Variants in GTPBP10 observed in about 807,000 individuals in gnomAD.
GTPBP10 encodes the protein GTP binding protein 10, also known as GTP-binding protein 10.
GTPBP10 carries 38 observed loss-of-function variants against 44.8 expected under a neutral mutation model. The observed-to-expected ratio is 0.85, with a 90% CI of 0.65 to 1.11. The LOEUF (loss-of-function observed/expected upper bound fraction) is 1.11. GTPBP10 is among the 50% of genes most tolerant of loss of function. The pLI is 0.00. For synonymous variants in GTPBP10, 152 were observed against 150.6 expected (o/e 1.01, Z -0.07); for missense variants, 462 against 453.7 (o/e 1.02, Z -0.17).
At chr7:90,384,799 T>G in intron 9 of GTPBP10, 93 bp from the exon 10 acceptor site, 2 of 1,292,474 alleles carry the variant, frequency 1.5e-6, no homozygotes, top group Non-Finnish European at 2.1e-6. Context: ...ATGCTGGTGT[T>G]GGTTCCCTGC....
intron 6 of GTPBP10, 146 bp from the exon 7 acceptor site, chr7:90,377,361 T>C (rs144215135): frequency 9.8e-6 from 5 of 509,334 alleles, no homozygotes. Context: ...TTAATTTTAC[T>C]CTTATACTTG....
At chr7:90,375,374 AATCCAT>A (rs1796327403) in intron 6 of GTPBP10, among the ~76,000 whole-genome samples, 1 of 152,144 alleles carries the variant, frequency 6.6e-6, no homozygotes, top group South Asian at 2.1e-4. Context: ...CATTTGTTAA[AATCCAT>A]AGAATGTACA....
Position 90,374,350 on chromosome 7 carries a change from A to G in GTPBP10, c.587A>G (p.Lys196Arg). ...GGAAAGATAATGTACAGTGATTTCA[A>G]ACAGGTAGGTATTTTTAAAGTAAAA... ...ELGKIMYSDF[K>R]QISVADLPGL... is the part of the protein sequence containing the mutation. The change falls in exon 6 of 10, where the codon AAA becomes AGA. Residue 196 changes from lysine (K) to arginine (R), a missense_variant. Physicochemically the swap from Lys to Arg is conservative, Grantham distance 26 (BLOSUM62 2). Transcript: ENST00000222511. The G allele has an allele frequency of 1.3e-6, 2 of 1,583,296 alleles. No homozygotes were observed. The highest frequency in any genetic ancestry group is 2.2e-5 in the South Asian group (2 of 90,152).
At position 90,386,906 on chromosome 7, in the gene GTPBP10, A is replaced by G. The variant is rs566452982; in HGVS notation, c.*1752A>G. 6 of 152,328 alleles carry G rather than the reference A, an allele frequency of 3.9e-5. No homozygotes were observed. Among genetic ancestry groups the G allele is most frequent in the African/African-American group, 1.4e-4 (6 of 41,572 alleles). 9.4% of individuals were successfully genotyped at this position (152,328 alleles called of 1,614,324 possible). ...GCTCCCTTTCTGCATTAGGCCCCTCAGTTCTTCCCAGGGAAAATGATTAAT... is the reference window on the plus strand; with the variant it reads ...GCTCCCTTTCTGCATTAGGCCCCTCGGTTCTTCCCAGGGAAAATGATTAAT... On this transcript the variant is annotated 3_prime_UTR_variant, in exon 10 of 10. Transcript: ENST00000222511.
intron 4 of GTPBP10, among the ~76,000 whole-genome samples, chr7:90,357,738 T>A (rs1484060831): frequency 6.6e-6 from 1 of 152,170 alleles, no homozygotes; most frequent in Non-Finnish European, 1.5e-5. Context: ...TGAAAATATA[T>A]GAATGAGATT....
Position 90,355,077 on chromosome 7 carries a change from C to CT in GTPBP10, c.320-4dup. ...CTTTGCTGTAAGTATTTCTCTCCCT[C>CT]TTTTTAAGGAGAACTCAATAAAGAA... On this transcript the variant is annotated splice_polypyrimidine_tract_variant and intron_variant, in intron 3 of 9. Transcript: ENST00000222511. 1 of 1,528,642 alleles carries CT rather than the reference C, an allele frequency of 6.5e-7. No homozygotes were observed. Among genetic ancestry groups the CT allele is most frequent in the Non-Finnish European group, 8.9e-7 (1 of 1,119,270 alleles). The allele number at this position is 1,528,642 out of a possible 1,614,324, so 94.7% of individuals were successfully genotyped here. A position where few individuals can be genotyped will look rare whatever the true frequency, so the allele number is the denominator to read the frequency against.
rs116011806 is a variant in GTPBP10 at position 90,347,949 on chromosome 7, T to C, written c.33+1175T>C. Among the ~76,000 whole-genome samples the C allele has an allele frequency of 8.3e-3, 1,261 of 152,248 alleles. 15 individuals are homozygous for C. Among genetic ancestry groups the C allele is most frequent in the African/African-American group, 0.029 (1,185 of 41,532 alleles). On this transcript the variant is annotated intron_variant, in intron 1 of 9. Transcript: ENST00000222511. The stretch of plus-strand genomic sequence containing the variant: ...AAGTGAAAAGGATACAGGAAGGAAC[T>C]AGGCATGGTAGGTGAGCCTATTGTT...
chr7:90,355,326 C>A, intron 4 of GTPBP10, 96 bp downstream of exon 4: 1 of 814,384 alleles, frequency 1.2e-6, no homozygotes, highest in South Asian at 2.7e-5. Flanking sequence ...ATAATTATTT[C>A]TAATTTATGG....
At chr7:90,360,536 A>G (rs945284165) in intron 4 of GTPBP10, among the ~76,000 whole-genome samples, 1 of 152,194 alleles carries the variant, frequency 6.6e-6, no homozygotes, top group Non-Finnish European at 1.5e-5. Context: ...TGTTTTGGTT[A>G]CTGTAGCCTT....
rs192156253 is a variant in GTPBP10, at chr7:90,385,696, G to A, written c.*542G>A. 1.3e-5 allele frequency: 2 copies of A among 151,642 alleles called. No homozygotes were observed. The highest frequency in any genetic ancestry group is 2.9e-5 in the Non-Finnish European group (2 of 67,948). The allele number at this position is 151,642 out of a possible 1,614,324, so 9.4% of individuals were successfully genotyped here. A position where few individuals can be genotyped will look rare whatever the true frequency, so the allele number is the denominator to read the frequency against. ...TTAGTATTATTACCTTCTGATATAT[G>A]TGTCATTATTGAAGAACCATACCTT... On this transcript the variant is annotated 3_prime_UTR_variant, in exon 10 of 10. Coordinates refer to ENST00000222511, the MANE Select transcript of GTPBP10 (RefSeq NM_033107.4).
chr7:90,350,855 C>CT (rs1421710144), intron 1 of GTPBP10, among the ~76,000 whole-genome samples: 1 of 152,172 alleles, frequency 6.6e-6, no homozygotes. Flanking sequence ...AGCAATTCAT[C>CT]TTTTTATCGT....
At chr7:90,375,657 A>C (rs1295321648) in intron 6 of GTPBP10, among the ~76,000 whole-genome samples, 1 of 152,192 alleles carries the variant, frequency 6.6e-6, no homozygotes, top group East Asian at 1.9e-4. Flanking sequence ...AAGGGAAATC[A>C]GTAGAGGAAA....
chr7:90,363,878 A>G (rs1218896652), intron 4 of GTPBP10, among the ~76,000 whole-genome samples: 1 of 152,010 alleles, frequency 6.6e-6, no homozygotes, highest in Non-Finnish European at 1.5e-5. Flanking sequence ...GCTTCATTTC[A>G]TTCATTTAAT....
Position 90,381,967 on chromosome 7 carries a change from CAG to C in GTPBP10, c.778-985_778-984del, listed in dbSNP as rs1156882916. Among the ~76,000 whole-genome samples the C allele has an allele frequency of 5.9e-5, 9 of 152,038 alleles. No homozygotes were observed. The South Asian group carries it at 6.2e-4, about 11-fold the overall frequency. ...AAACCATAAAACCACTAGAAGAAAACAGAGAAGTTCCATGACATTTGTCTGAG... is the reference window on the plus strand; with the variant it reads ...AAACCATAAAACCACTAGAAGAAAACAGAAGTTCCATGACATTTGTCTGAG... On this transcript the variant is annotated intron_variant, in intron 8 of 9. Coordinates refer to ENST00000222511, the MANE Select transcript of GTPBP10 (RefSeq NM_033107.4).
intron 1 of GTPBP10, among the ~76,000 whole-genome samples, chr7:90,351,192 A>G (rs1230075471): frequency 6.6e-6 from 1 of 152,216 alleles, no homozygotes; most frequent in Non-Finnish European, 1.5e-5. Context: ...TTAATACTGC[A>G]TTTTTACATT....
At chr7:90,380,036 A>G (rs17866374) in intron 8 of GTPBP10, among the ~76,000 whole-genome samples, 2,305 of 141,114 alleles carry the variant, frequency 0.016, 58 homozygotes, top group African/African-American at 0.055. Context: ...TTGTTGAGTT[A>G]TAAGCATGTT....
At chr7:90,382,729 C>T (rs1032508692) in intron 8 of GTPBP10, among the ~76,000 whole-genome samples, 6 of 152,124 alleles carry the variant, frequency 3.9e-5, no homozygotes, top group African/African-American at 7.2e-5. Context: ...TGACTCTAGA[C>T]GCAAAATTAC....
chr7:90,372,627 T>C (rs1301601078), intron 5 of GTPBP10, among the ~76,000 whole-genome samples: 2 of 151,952 alleles, frequency 1.3e-5, no homozygotes, highest in Admixed American at 1.3e-4. Flanking sequence ...TATTTTCCAT[T>C]AATCTTTGAA....
chr7:90,380,414 A>G (rs13228340), intron 8 of GTPBP10, among the ~76,000 whole-genome samples: 4 of 152,102 alleles, frequency 2.6e-5, no homozygotes, highest in Admixed American at 2.0e-4. Flanking sequence ...TAATTTGAAA[A>G]TATTTTCTCC....
Sources: allele counts gnomAD v4.1 joint callset (sites outside exome capture counted in the v4.1 genomes callset), GRCh38; gene constraint gnomAD v4.1.1; transcripts MANE v1.5; gene names NCBI Gene and HGNC (gene_info 2026-07-23, HGNC 2026-07-21).